Variants in NSMCE2 observed in about 807,000 individuals in gnomAD.
NSMCE2 encodes E3 SUMO-protein ligase NSE2.
A neutral mutation model predicts 23.8 loss-of-function variants in NSMCE2; 24 were observed. The observed-to-expected ratio is 1.01, with a 90% CI of 0.73 to 1.42. NSMCE2 has a LOEUF of 1.42. Among genes scored for constraint, NSMCE2 ranks in the 40% most tolerant of loss-of-function variants. The probability of loss-of-function intolerance (pLI) is 0.00; values close to 1 mark genes in which losing one functional copy is unlikely to be tolerated. For missense variants in NSMCE2, 284 were observed against 296.5 expected, an observed-to-expected ratio of 0.96 and a Z score of 0.31; for synonymous variants, 92 against 94.1, an observed-to-expected ratio of 0.98 and a Z score of 0.13.
At chr8:125,277,791 G>A (rs1330811579) in intron 5 of NSMCE2, among the ~76,000 whole-genome samples, 2 of 152,092 alleles carry the variant, frequency 1.3e-5, no homozygotes, top group Non-Finnish European at 2.9e-5. Context: ...TGGGATTACA[G>A]GCGTGAGCCA....
intron 5 of NSMCE2, among the ~76,000 whole-genome samples, chr8:125,316,771 CTCTCTCTCTCTTT>C (rs1829223350): frequency 1.6e-4 from 23 of 140,206 alleles, no homozygotes; most frequent in African/African-American, 4.1e-4. Context: ...TTCCTTCCTT[CTCTCTCTCTCTTT>C]CTTTCTTTCT....
chr8:125,357,384 T>C, intron 6 of NSMCE2, 65 bp downstream of exon 6: 1 of 1,148,032 alleles, frequency 8.7e-7, no homozygotes, highest in Non-Finnish European at 1.3e-6. Flanking sequence ...GAAAGGTTCC[T>C]GTTTGCTTTC....
chr8:125,360,375 T>C (rs1017805740), intron 7 of NSMCE2, among the ~76,000 whole-genome samples: 24 of 152,072 alleles, frequency 1.6e-4, no homozygotes, highest in African/African-American at 5.6e-4. Context: ...CTGGAACAAA[T>C]GCATTCACCA....
chr8:125,151,143 TA>T (rs750442180), intron 3 of NSMCE2, 27 bp from the exon 4 acceptor site: 4 of 1,252,044 alleles, frequency 3.2e-6, no homozygotes, highest in Non-Finnish European at 2.3e-6. Context: ...AAATGGAAAA[TA>T]ATAATTGCAA....
intron 5 of NSMCE2, among the ~76,000 whole-genome samples, chr8:125,306,316 A>AC (rs1828759549): frequency 1.3e-5 from 2 of 151,878 alleles, no homozygotes; most frequent in African/African-American, 4.8e-5. Context: ...GGCAACAGAG[A>AC]CCCTGTCTCA....
chr8:125,285,665 C>A (rs1349919790), intron 5 of NSMCE2, among the ~76,000 whole-genome samples: 1 of 152,042 alleles, frequency 6.6e-6, no homozygotes, highest in East Asian at 1.9e-4. Flanking sequence ...GAAGACAGTA[C>A]AAGAATCTGT....
chr8:125,167,876 G>A (rs1368057761), intron 4 of NSMCE2, among the ~76,000 whole-genome samples: 1 of 152,042 alleles, frequency 6.6e-6, no homozygotes. Flanking sequence ...GGACAGGAAA[G>A]GGTAGACAGA....
At chr8:125,166,743 A>G (rs906518128) in intron 4 of NSMCE2, among the ~76,000 whole-genome samples, 2 of 152,210 alleles carry the variant, frequency 1.3e-5, no homozygotes, top group African/African-American at 2.4e-5. Flanking sequence ...GGTACTCCCC[A>G]GTGGTCCCAG....
chr8:125,170,393 TTTTTTTTTTTTTTTTTTTTTTTAA>T (rs1822131751), intron 4 of NSMCE2, among the ~76,000 whole-genome samples: 1 of 95,816 alleles, frequency 1.0e-5, no homozygotes, highest in African/African-American at 4.3e-5. Flanking sequence ...TTTTTTTTTT[TTTTTTTTTTTTTTTTTTTTTTTAA>T]GACAGAGTCT....
chr8:125,326,054 G>A (rs1397597660), intron 5 of NSMCE2, among the ~76,000 whole-genome samples: 1 of 151,980 alleles, frequency 6.6e-6, no homozygotes, highest in Admixed American at 6.6e-5. Context: ...TCAGGAGATC[G>A]AGACCATCCT....
At chr8:125,245,170 C>G (rs1825908469) in intron 5 of NSMCE2, among the ~76,000 whole-genome samples, 1 of 152,076 alleles carries the variant, frequency 6.6e-6, no homozygotes, top group Non-Finnish European at 1.5e-5. Flanking sequence ...GTAAGCCCAG[C>G]TACTGGGGAG....
chr8:125,176,794 T>G (rs1289726764), intron 4 of NSMCE2, among the ~76,000 whole-genome samples: 1 of 152,252 alleles, frequency 6.6e-6, no homozygotes, highest in Non-Finnish European at 1.5e-5. Flanking sequence ...TGGAAAAGCC[T>G]GGGCTTGCCT....
intron 3 of NSMCE2, chr8:125,130,249 T>G (rs2130556897): frequency 2.2e-6 from 1 of 456,056 alleles, no homozygotes; most frequent in Admixed American, 2.3e-5. Context: ...CAAGGGCCCT[T>G]CTCATCACGT....
intron 3 of NSMCE2, among the ~76,000 whole-genome samples, chr8:125,107,012 A>C (rs975495958): frequency 5.3e-5 from 8 of 151,902 alleles, no homozygotes; most frequent in South Asian, 2.1e-4. Flanking sequence ...AAAACAACAA[A>C]AAAAAACTTT....
At chr8:125,257,687 C>G (rs945161057) in intron 5 of NSMCE2, among the ~76,000 whole-genome samples, 4 of 152,058 alleles carry the variant, frequency 2.6e-5, no homozygotes, top group African/African-American at 9.7e-5. Flanking sequence ...GCGCTCACCA[C>G]CATGCCTGTC....
intron 3 of NSMCE2, among the ~76,000 whole-genome samples, chr8:125,110,605 T>G (rs534471248): frequency 4.6e-5 from 7 of 152,260 alleles, no homozygotes; most frequent in African/African-American, 1.7e-4. Flanking sequence ...ACAAAGTTAG[T>G]AAATGTTTGA....
intron 3 of NSMCE2, among the ~76,000 whole-genome samples, chr8:125,123,715 C>G (rs1449612935): frequency 6.6e-6 from 1 of 152,148 alleles, no homozygotes; most frequent in Non-Finnish European, 1.5e-5. Context: ...TAAAGAATCC[C>G]TCATTATAGG....
At chr8:125,298,042 C>T (rs965326030) in intron 5 of NSMCE2, among the ~76,000 whole-genome samples, 2 of 152,136 alleles carry the variant, frequency 1.3e-5, no homozygotes, top group African/African-American at 4.8e-5. Context: ...AGGTGGACCA[C>T]CTGAGATCAG....
intron 5 of NSMCE2, among the ~76,000 whole-genome samples, chr8:125,353,897 T>TAA (rs1216728982): frequency 1.8e-4 from 20 of 111,238 alleles, no homozygotes; most frequent in Admixed American, 5.1e-4. Context: ...AACTAAAAAA[T>TAA]AAAAAATATA....
Sources: gnomAD v4.1 joint callset for allele counts (sites outside exome capture counted in the v4.1 genomes callset) on GRCh38, gnomAD v4.1.1 for gene constraint, MANE v1.5 for transcripts, NCBI Gene and HGNC (gene_info 2026-07-23, HGNC 2026-07-21) for gene names.